The following INSR variants were observed in gnomAD, a reference collection of about 807,000 sequenced individuals.
INSR encodes the protein insulin receptor.
In INSR, 67 loss-of-function variants were observed where a neutral mutation model predicts 142.6. The ratio of observed to expected loss-of-function variants is 0.47; its 90% CI spans 0.39 to 0.58. The LOEUF is 0.58. Among genes scored for constraint, INSR ranks in the 20% least tolerant of loss-of-function variants. The probability of loss-of-function intolerance (pLI) is 0.00; values close to 1 mark genes in which losing one functional copy is unlikely to be tolerated. For synonymous variants in INSR, 756 were observed against 743.1 expected (o/e 1.02, Z -0.28); for missense variants, 1,248 against 1,833.2 (o/e 0.68, Z 5.83).
rs1976917964 is a variant in INSR, at chr19:7,257,048, T to TTCTCCTGTCTCAG, written c.652+10284_652+10296dup. ...ACCTCCGCCTCCTGGGTTCAAGCGATTCTCCTGTCTCAGTCTCCCAAGCAG... is the reference window on the plus strand; with the variant it reads ...ACCTCCGCCTCCTGGGTTCAAGCGATTCTCCTGTCTCAGTCTCCTGTCTCAGTCTCCCAAGCAG... On this transcript the variant is annotated intron_variant, in intron 2 of 21. Transcript: ENST00000302850. 1.7e-4 allele frequency among the ~76,000 whole-genome samples: 25 copies of TTCTCCTGTCTCAG among 151,364 alleles called. No homozygotes were observed. The South Asian group carries it at 5.3e-3, about 32-fold the overall frequency.
chr19:7,234,051 C>T (rs940331789), intron 2 of INSR, among the ~76,000 whole-genome samples: 8 of 152,020 alleles, frequency 5.3e-5, no homozygotes, highest in Non-Finnish European at 5.9e-5. Context: ...GGACCACAGG[C>T]GCGCTATGGT....
At chr19:7,275,082 T>C (rs991499038) in intron 1 of INSR, among the ~76,000 whole-genome samples, 17 of 151,662 alleles carry the variant, frequency 1.1e-4, no homozygotes, top group African/African-American at 3.9e-4. Flanking sequence ...TTCAAGTGAT[T>C]CTCCTGCCTC....
At position 7,170,647 on chromosome 19, in the gene INSR, T is replaced by C; in HGVS notation, c.1373A>G (p.Asn458Ser). The C allele has an allele frequency of 6.2e-7, 1 of 1,613,904 alleles. No homozygotes were observed. The highest frequency in any genetic ancestry group is 8.5e-7 in the Non-Finnish European group (1 of 1,179,952). Residue 458 changes from asparagine to serine, a missense_variant, in exon 6 of 22, where the codon AAC becomes AGC. Coordinates refer to ENST00000302850, the MANE Select transcript of INSR (RefSeq NM_000208.4). ...GATTTCTGACAAGCAGAGTTTGGGGTTATAGTGGAAGAAGAGTTTCCCCTG... is the reference window on the plus strand; with the variant it reads ...GATTTCTGACAAGCAGAGTTTGGGGCTATAGTGGAAGAAGAGTTTCCCCTG... ...ITQGKLFFHYNPKLCLSEIHK... is the reference protein window; with the variant it reads ...ITQGKLFFHYSPKLCLSEIHK...
chr19:7,135,616 G>A (rs1487342977), intron 13 of INSR, among the ~76,000 whole-genome samples: 2 of 151,072 alleles, frequency 1.3e-5, no homozygotes, highest in South Asian at 2.1e-4. Context: ...GGGAGATACT[G>A]AAAATGCAAT....
intron 2 of INSR, among the ~76,000 whole-genome samples, chr19:7,264,947 G>T (rs189677158): frequency 1.3e-5 from 2 of 152,248 alleles, no homozygotes; most frequent in Admixed American, 1.3e-4. Flanking sequence ...CAATTCCAAG[G>T]ATTCTATTTA....
At chr19:7,233,735 G>A (rs1337971702) in intron 2 of INSR, among the ~76,000 whole-genome samples, 2 of 134,886 alleles carry the variant, frequency 1.5e-5, no homozygotes, top group Non-Finnish European at 3.0e-5. Context: ...GAGTGCAGTG[G>A]CACGATCTCC....
chr19:7,255,282 G>C (rs1976853602), intron 2 of INSR, among the ~76,000 whole-genome samples: 1 of 151,982 alleles, frequency 6.6e-6, no homozygotes, highest in Non-Finnish European at 1.5e-5. Flanking sequence ...AAAAAGCCTG[G>C]CTCAGCAAGG....
In INSR at chr19:7,171,315, C is replaced by T. The variant is rs184895257; in HGVS notation, c.1269-564G>A. On this transcript the variant is annotated intron_variant, in intron 5 of 21. Coordinates refer to ENST00000302850, the MANE Select transcript of INSR (RefSeq NM_000208.4). ...ATAGTCTAAACTATATTGTTTAGAC[C>T]ACCTTCTCAAGTCACTTACCAGCTC... is the stretch of plus-strand genomic sequence containing the variant. Among the ~76,000 whole-genome samples the T allele has an allele frequency of 3.9e-5, 6 of 152,180 alleles. No homozygotes were observed. In the East Asian group the frequency reaches 1.2e-3, roughly 29 times the overall value.
chr19:7,118,722 C>T (rs560059529), intron 21 of INSR, among the ~76,000 whole-genome samples: 5 of 145,562 alleles, frequency 3.4e-5, no homozygotes, highest in South Asian at 2.2e-4. Context: ...ATCGAGACCA[C>T]GGTGAAACCC....
intron 2 of INSR, among the ~76,000 whole-genome samples, chr19:7,204,102 A>G (rs545448770): frequency 1.3e-5 from 2 of 151,932 alleles, no homozygotes; most frequent in East Asian, 3.9e-4. Context: ...AGCTGGGATT[A>G]CAGGCTCCCG....
At chr19:7,283,451 G>GT (rs956421241) in intron 1 of INSR, among the ~76,000 whole-genome samples, 3 of 151,982 alleles carry the variant, frequency 2.0e-5, no homozygotes, top group African/African-American at 4.8e-5. Context: ...GTTTGGTTTG[G>GT]TTTTTTTAGA....
chr19:7,153,366 C>CCCACACACACCACACACCACACACA lies in INSR; in HGVS notation c.2030-440_2030-439insTGTGTGTGGTGTGTGGTGTGTGTGG, dbSNP rs1973487020. Among the ~76,000 whole-genome samples, 3 of 1,992 alleles carry CCCACACACACCACACACCACACACA rather than the reference C, an allele frequency of 1.5e-3. 1 individual carries two copies. The highest frequency in any genetic ancestry group is 3.2e-3 in the African/African-American group (3 of 952). 1.3% of individuals were successfully genotyped at this position (1,992 alleles called of 152,430 possible). On this transcript the variant is annotated intron_variant, in intron 9 of 21. Coordinates refer to ENST00000302850, the MANE Select transcript of INSR (RefSeq NM_000208.4). ...ACACCACAGACCACACACCACACAC[C>CCCACACACACCACACACCACACACA]CCACACACACCATACACGCACCACA...
In INSR at chr19:7,174,560, G is replaced by T. The variant is rs372364996; in HGVS notation, c.1123+23C>A. ...GACATGGAGCCCAACAGGCACCCCC[G>T]ACGCCCACACAGAGACACTCACTGC... On this transcript the variant is annotated intron_variant, in intron 4 of 21. Transcript: ENST00000302850. The T allele has an allele frequency of 7.6e-4, 1,227 of 1,613,474 alleles. 3 individuals carry two copies. The highest frequency in any genetic ancestry group is 9.8e-4 in the Non-Finnish European group (1,157 of 1,179,724).
At chr19:7,145,374 A>G (rs1973163417) in intron 11 of INSR, among the ~76,000 whole-genome samples, 1 of 152,070 alleles carries the variant, frequency 6.6e-6, no homozygotes, top group Admixed American at 6.6e-5. Context: ...GGCAATTTTG[A>G]AAGGGATCTT....
intron 13 of INSR, among the ~76,000 whole-genome samples, chr19:7,139,824 T>TTG (rs1026464739): frequency 1.2e-4 from 17 of 139,808 alleles, no homozygotes; most frequent in Non-Finnish European, 2.3e-4. Context: ...GCGTATTCTT[T>TTG]TTTTTTTTTT....
intron 2 of INSR, among the ~76,000 whole-genome samples, chr19:7,219,454 A>AAGAGAG (rs771018190): frequency 4.5e-5 from 6 of 134,484 alleles, no homozygotes; most frequent in South Asian, 2.5e-4. Context: ...AGAGAGAAAG[A>AAGAGAG]AGAGAGAGAG....
chr19:7,231,079 C>G (rs2145126231), intron 2 of INSR, among the ~76,000 whole-genome samples: 1 of 152,226 alleles, frequency 6.6e-6, no homozygotes, highest in Non-Finnish European at 1.5e-5. Context: ...AGCCAGGAGC[C>G]ACACCAGCTC....
At chr19:7,153,355 ACACCACACACCC>A (rs1305135260) in intron 9 of INSR, among the ~76,000 whole-genome samples, 10 of 138,574 alleles carry the variant, frequency 7.2e-5, no homozygotes, top group African/African-American at 1.2e-4. Context: ...CACAGACCAC[ACACCACACACCC>A]CACACACACC....
chr19:7,202,996 G>GGTTT (rs1555751313), intron 2 of INSR, among the ~76,000 whole-genome samples: 18 of 67,794 alleles, frequency 2.7e-4, no homozygotes, highest in African/African-American at 6.8e-4. Context: ...GGGTTTTGTT[G>GGTTT]TTTTTTTTTT....
Sources: gnomAD v4.1 joint callset for allele counts (sites outside exome capture counted in the v4.1 genomes callset) on GRCh38, gnomAD v4.1.1 for gene constraint, MANE v1.5 for transcripts, NCBI Gene and HGNC (gene_info 2026-07-23, HGNC 2026-07-21) for gene names.